AFG1L: variants seen among roughly 807,000 people sequenced by gnomAD.
AFG1L encodes the protein AFG1 like ATPase.
Under a neutral mutation model 62.2 loss-of-function variants are expected in AFG1L, and 53 were observed. That is an observed-to-expected ratio of 0.85 (90% CI 0.68 to 1.07). The LOEUF is 1.07. AFG1L is among the 50% of genes least tolerant of loss of function. The pLI is 0.00. For missense variants in AFG1L, 555 were observed against 590.5 expected (o/e 0.94, Z 0.62); for synonymous variants, 228 against 210.3 (o/e 1.08, Z -0.73).
chr6:108,505,362 G>T (rs887701732), intron 10 of AFG1L, among the ~76,000 whole-genome samples: 1 of 152,080 alleles, frequency 6.6e-6, no homozygotes, highest in East Asian at 1.9e-4. Context: ...AAAGTTCTGG[G>T]ATTACAGGCA....
intron 6 of AFG1L, among the ~76,000 whole-genome samples, chr6:108,375,942 G>A (rs1780225429): frequency 6.6e-6 from 1 of 152,010 alleles, no homozygotes; most frequent in African/African-American, 2.4e-5. Context: ...TTCTGGTCTA[G>A]GGCTTTTTTG....
chr6:108,330,843 G>A (rs1234133271), intron 2 of AFG1L, among the ~76,000 whole-genome samples: 1 of 152,028 alleles, frequency 6.6e-6, no homozygotes, highest in Non-Finnish European at 1.5e-5. Flanking sequence ...ATTACTACCT[G>A]TTTAAAAATA....
At chr6:108,462,530 T>C (rs1292076987) in intron 8 of AFG1L, among the ~76,000 whole-genome samples, 1 of 152,218 alleles carries the variant, frequency 6.6e-6, no homozygotes. Flanking sequence ...AGAAATTAAT[T>C]TCACTATTTG....
chr6:108,445,633 T>A (rs113278380), intron 7 of AFG1L, among the ~76,000 whole-genome samples: 133 of 130,070 alleles, frequency 1.0e-3, no homozygotes, highest in East Asian at 2.1e-3. Context: ...ACACCTAAGG[T>A]GAGAGAGAGA....
At chr6:108,491,081 A>G (rs1454654077) in intron 10 of AFG1L, among the ~76,000 whole-genome samples, 2 of 152,240 alleles carry the variant, frequency 1.3e-5, no homozygotes. Flanking sequence ...AGTATTTTAT[A>G]TGTGTGTACA....
At chr6:108,299,161 T>A (rs1014087495) in intron 1 of AFG1L, among the ~76,000 whole-genome samples, 3 of 151,704 alleles carry the variant, frequency 2.0e-5, no homozygotes, top group African/African-American at 7.3e-5. Flanking sequence ...CTTGGGAGGC[T>A]GAGGCAGGAG....
chr6:108,441,712 A>AAAAAAATAT (rs1401294615), intron 7 of AFG1L, among the ~76,000 whole-genome samples: 33 of 139,496 alleles, frequency 2.4e-4, no homozygotes, highest in African/African-American at 8.5e-4. Flanking sequence ...AAAAAAAAAA[A>AAAAAAATAT]ATATATATAT....
At chr6:108,438,668 C>T (rs1771412503) in intron 7 of AFG1L, among the ~76,000 whole-genome samples, 1 of 152,060 alleles carries the variant, frequency 6.6e-6, no homozygotes, top group African/African-American at 2.4e-5. Flanking sequence ...AAAGCCAAGT[C>T]AGTTGCCTAG....
intron 1 of AFG1L, among the ~76,000 whole-genome samples, chr6:108,307,599 G>A (rs2114831503): frequency 6.6e-6 from 1 of 152,030 alleles, no homozygotes; most frequent in South Asian, 2.1e-4. Flanking sequence ...TTGTAGAGAT[G>A]GGGTCTCGCC....
intron 1 of AFG1L, among the ~76,000 whole-genome samples, chr6:108,317,802 G>A (rs1304406167): frequency 6.6e-6 from 1 of 152,172 alleles, no homozygotes; most frequent in African/African-American, 2.4e-5. Context: ...AGCTTGGCCT[G>A]TGCCCAGGAA....
chr6:108,419,984 C>A (rs1770515984), intron 7 of AFG1L, among the ~76,000 whole-genome samples: 1 of 152,068 alleles, frequency 6.6e-6, no homozygotes, highest in Admixed American at 6.6e-5. Flanking sequence ...GCCATTTTTC[C>A]TGCCACAGTT....
Position 108,412,560 on chromosome 6 carries a change from G to A in AFG1L, c.807+10506G>A, listed in dbSNP as rs745591784. On this transcript the variant is annotated intron_variant, in intron 7 of 12. Transcript: ENST00000368977. ...AAGGGAAGCCCATCAGACTAACAGC[G>A]GATCTCTCAGCAGAAATCCTTCAAG... Among the ~76,000 whole-genome samples the A allele has an allele frequency of 1.1e-4, 16 of 152,320 alleles. 1 individual carries two copies. The East Asian group carries it at 2.3e-3, about 22-fold the overall frequency.
At chr6:108,305,708 C>T (rs1320206285) in intron 1 of AFG1L, among the ~76,000 whole-genome samples, 1 of 152,170 alleles carries the variant, frequency 6.6e-6, no homozygotes, top group African/African-American at 2.4e-5. Context: ...GCTGGGATTA[C>T]AGTCGTGAGC....
At chr6:108,325,326 C>T (rs1182229901) in intron 2 of AFG1L, among the ~76,000 whole-genome samples, 2 of 152,096 alleles carry the variant, frequency 1.3e-5, no homozygotes, top group African/African-American at 4.8e-5. Context: ...CTCTTGGGAA[C>T]CCCTCGTATT....
At chr6:108,346,905 A>G (rs1778883289) in intron 2 of AFG1L, 83 bp from the exon 3 acceptor site, 1 of 1,039,772 alleles carries the variant, frequency 9.6e-7, no homozygotes, top group Non-Finnish European at 1.5e-6. Context: ...GGTTCTGTAT[A>G]TAGGACAGTT....
chr6:108,517,200 T>C (rs1423604408), intron 11 of AFG1L, among the ~76,000 whole-genome samples: 1 of 152,112 alleles, frequency 6.6e-6, no homozygotes, highest in East Asian at 1.9e-4. Flanking sequence ...GCCAAGACAA[T>C]CCTAAGCCAA....
chr6:108,390,271 A>C (rs371146760), intron 6 of AFG1L, among the ~76,000 whole-genome samples: 6 of 152,116 alleles, frequency 3.9e-5, no homozygotes, highest in African/African-American at 1.4e-4. Context: ...CCATTCGTCT[A>C]ATCTTTTTTC....
chr6:108,511,124 A>AAGGAGG (rs552164631), intron 11 of AFG1L, among the ~76,000 whole-genome samples: 3 of 148,648 alleles, frequency 2.0e-5, no homozygotes, highest in East Asian at 3.9e-4. Flanking sequence ...GAAGAAGTAG[A>AAGGAGG]AGGAGGAGGA....
At chr6:108,454,408 A>T (rs1056242187) in intron 8 of AFG1L, among the ~76,000 whole-genome samples, 1 of 152,202 alleles carries the variant, frequency 6.6e-6, no homozygotes, top group South Asian at 2.1e-4. Context: ...GGTGACAAAG[A>T]TAGCACCTGA....
Sources: allele counts gnomAD v4.1 joint callset (sites outside exome capture counted in the v4.1 genomes callset), GRCh38; gene constraint gnomAD v4.1.1; transcripts MANE v1.5; gene names NCBI Gene and HGNC (gene_info 2026-07-23, HGNC 2026-07-21).